Variants in SRPRB observed in about 807,000 individuals in gnomAD.
SRPRB encodes the protein signal recognition particle receptor subunit beta.
Under a neutral mutation model 31.9 loss-of-function variants are expected in SRPRB, and 20 were observed. The ratio of observed to expected loss-of-function variants is 0.63; its 90% CI spans 0.44 to 0.91. SRPRB has a LOEUF of 0.91. Among genes scored for constraint, SRPRB ranks in the 40% least tolerant of loss-of-function variants. The pLI, the probability that SRPRB is intolerant of heterozygous loss-of-function variation, is 0.00. For missense variants in SRPRB, 321 were observed against 324.9 expected (o/e 0.99, Z 0.09); for synonymous variants, 146 against 132.8 (o/e 1.10, Z -0.68).
At chr3:133,792,056 T>C (rs1934853273) in intron 1 of SRPRB, 1 of 152,218 alleles carries the variant, frequency 6.6e-6, no homozygotes, top group African/African-American at 2.4e-5. Flanking sequence ...AGGTCAGATA[T>C]TAGATTTGCA....
intron 6 of SRPRB, among the ~76,000 whole-genome samples, chr3:133,818,785 A>AGT (rs146467727): frequency 0.2 from 28,548 of 143,972 alleles, 2,929 homozygotes; most frequent in East Asian, 0.38. Context: ...ATACTTTTAC[A>AGT]GTGTGTGTGT....
At chr3:133,796,952 T>G (rs9810872) in intron 1 of SRPRB, among the ~76,000 whole-genome samples, 11 of 152,076 alleles carry the variant, frequency 7.2e-5, no homozygotes, top group Admixed American at 5.2e-4. Flanking sequence ...AAGGGCTTTA[T>G]ATCAGTGTGT....
chr3:133,806,641 A>T lies in SRPRB; in HGVS notation c.187A>T (p.Ser63Cys). 6.2e-7 allele frequency: 1 copy of T among 1,614,240 alleles called. No individual in the cohort carries two copies. The change falls in exon 2 of 7, where the codon AGT becomes TGT. Residue 63 changes from serine (S) to cysteine (C), a missense_variant. Coordinates refer to ENST00000678299, the MANE Select transcript of SRPRB (RefSeq NM_001379313.1). Reference sequence around the variant, plus strand: ...GAAGTTAATCCGGAGCAGAAGGAGCAGTCAGAGAGCTGTTCTTCTTGTTGG... The same window carrying T: ...GAAGTTAATCCGGAGCAGAAGGAGCTGTCAGAGAGCTGTTCTTCTTGTTGG... ...FWKLIRSRRS[S>C]QRAVLLVGLC...
intron 4 of SRPRB, among the ~76,000 whole-genome samples, chr3:133,812,970 G>GAAACACT (rs1935302720): frequency 1.3e-5 from 2 of 152,258 alleles, no homozygotes; most frequent in South Asian, 4.1e-4. Context: ...TTCCAGAGAG[G>GAAACACT]GTGATGAGTA....
At chr3:133,828,148 C>A, downstream of SRPRB, 1 of 605,814 alleles carries the variant, frequency 1.7e-6, no homozygotes, top group Non-Finnish European at 3.0e-6. Context: ...GCCCACAGAC[C>A]TTGGTCTCAG....
chr3:133,806,073 G>A, intron 1 of SRPRB, 71 bp downstream of exon 1: 2 of 1,555,492 alleles, frequency 1.3e-6, no homozygotes, highest in African/African-American at 1.4e-5. Flanking sequence ...CACCGCTGCA[G>A]GCCGGGGACG....
intron 1 of SRPRB, chr3:133,784,415 GT>G (rs1240558319): frequency 6.7e-6 from 1 of 150,228 alleles, no homozygotes; most frequent in African/African-American, 2.5e-5. Context: ...TAAAGAGGTT[GT>G]GACTTATGAT....
upstream of SRPRB, among the ~76,000 whole-genome samples, chr3:133,803,978 C>T (rs1462766513): frequency 6.6e-6 from 1 of 150,400 alleles, no homozygotes; most frequent in East Asian, 2.0e-4. Context: ...CGCCTGTAGT[C>T]CCAGCTACTC....
chr3:133,806,902 TTC>T (rs1491411874), intron 2 of SRPRB, among the ~76,000 whole-genome samples, 199 bp downstream of exon 2: 44 of 152,322 alleles, frequency 2.9e-4, no homozygotes, highest in Admixed American at 2.4e-3. Flanking sequence ...CCTTTTTTTT[TTC>T]TGTTTGCCCT....
At chr3:133,815,769 G>T (rs1935355360) in intron 5 of SRPRB, 43 bp downstream of exon 5, 1 of 1,597,836 alleles carries the variant, frequency 6.3e-7, no homozygotes. Flanking sequence ...GTTTTTTGGG[G>T]ATTGCTGCTA....
intron 1 of SRPRB, chr3:133,784,475 AATAAT>A (rs1559882837): frequency 1.3e-4 from 7 of 52,824 alleles, no homozygotes; most frequent in South Asian, 1.2e-3. Flanking sequence ...TTAAAAAAAT[AATAAT>A]AATAATAATA....
intron 6 of SRPRB, among the ~76,000 whole-genome samples, chr3:133,818,792 G>GTGTGTA (rs1460995436): frequency 6.7e-6 from 1 of 148,754 alleles, no homozygotes; most frequent in African/African-American, 2.5e-5. Context: ...TACAGTGTGT[G>GTGTGTA]TGTGTGTGTG....
downstream of SRPRB, chr3:133,828,499 T>C: frequency 2.1e-6 from 1 of 466,672 alleles, no homozygotes; most frequent in Non-Finnish European, 3.8e-6. Flanking sequence ...AAAAATTGTA[T>C]ACACATGATT....
chr3:133,807,863 T>C, intron 3 of SRPRB, 40 bp downstream of exon 3: 2 of 1,489,764 alleles, frequency 1.3e-6, no homozygotes, highest in African/African-American at 1.4e-5. Flanking sequence ...ACAGTCTTAC[T>C]TTACTGTGGT....
In SRPRB at chr3:133,821,183, C is replaced by CCATTTG. The variant is rs1935468409; in HGVS notation, c.*1418_*1419insATTTGC. 2 of 152,176 alleles carry CCATTTG rather than the reference C, an allele frequency of 1.3e-5. No homozygotes were observed. Among genetic ancestry groups the CCATTTG allele is most frequent in the South Asian group, 4.1e-4 (2 of 4,826 alleles). The allele number at this position is 152,176 out of a possible 1,614,324, so 9.4% of individuals were successfully genotyped here. The stretch of plus-strand genomic sequence containing the variant: ...ACTTGGGCTCTAGGAGTATACGTCA[C>CCATTTG]CTCAGACCATCTGGCAGAAATACTC... On this transcript the variant is annotated 3_prime_UTR_variant, in exon 7 of 7. Coordinates refer to ENST00000678299, the MANE Select transcript of SRPRB (RefSeq NM_001379313.1).
In SRPRB at chr3:133,820,540, T is replaced by A. The variant is rs1935453112; in HGVS notation, c.*774T>A. ...GATGGCTGAAGGCTCCTGGGCCATC[T>A]TCATGTGCTGCTTGAAGAGCTCCTA... On this transcript the variant is annotated 3_prime_UTR_variant, in exon 7 of 7. Transcript: ENST00000678299. 6.6e-6 allele frequency: 1 copy of A among 152,224 alleles called. No individual in the cohort carries two copies. The highest frequency in any genetic ancestry group is 2.4e-5 in the African/African-American group (1 of 41,444). The allele number at this position is 152,224 out of a possible 1,614,324, so 9.4% of individuals were successfully genotyped here.
In SRPRB at chr3:133,806,627, G is replaced by A. The variant is rs745490539; in HGVS notation, c.173G>A (p.Arg58Gln). Residue 58 changes from arginine (R) to glutamine (Q), a missense_variant, in exon 2 of 7, where the codon CGG becomes CAG. By Grantham distance (43) the Arg-to-Gln change is conservative. Transcript: ENST00000678299. ...LLTLVFWKLI[R>Q]SRRSSQRAVL... ...TCCACAGTCTTCTGGAAGTTAATCC[G>A]GAGCAGAAGGAGCAGTCAGAGAGCT... 33 of 1,613,908 alleles carry A rather than the reference G, an allele frequency of 2.0e-5. No homozygotes were observed. The highest frequency in any genetic ancestry group is 2.7e-5 in the African/African-American group (2 of 74,912).
At chr3:133,804,085 G>A (rs1183748977), upstream of SRPRB, among the ~76,000 whole-genome samples, 2 of 106,526 alleles carry the variant, frequency 1.9e-5, no homozygotes, top group African/African-American at 8.1e-5. Context: ...AACAGAGCGA[G>A]ACTCTGTCTC....
In SRPRB at chr3:133,819,714, T is replaced by C; in HGVS notation, c.764T>C (p.Val255Ala). 5 of 1,614,138 alleles carry C rather than the reference T, an allele frequency of 3.1e-6. No homozygotes were observed. The highest frequency in any genetic ancestry group is 1.1e-5 in the South Asian group (1 of 91,080). The change falls in exon 7 of 7, where the codon GTG (valine) becomes GCG (alanine). Residue 255 changes from valine (V) to alanine (A), a missense_variant. Val to Ala is a moderately conservative substitution (Grantham distance 64). Transcript: ENST00000678299. The part of the protein sequence containing the change: ...ECSAKGGRGD[V>A]GSADIQDLEK... The stretch of plus-strand genomic sequence containing the variant: ...AGTGCCAAGGGTGGAAGAGGGGACG[T>C]GGGCTCTGCTGACATCCAGGACTTG...
Sources: allele counts gnomAD v4.1 joint callset (sites outside exome capture counted in the v4.1 genomes callset), GRCh38; gene constraint gnomAD v4.1.1; transcripts MANE v1.5; gene names NCBI Gene and HGNC (gene_info 2026-07-23, HGNC 2026-07-21).